The following PTPN13 variants were observed in gnomAD, a reference collection of about 807,000 sequenced individuals.
The protein encoded by PTPN13 is protein tyrosine phosphatase non-receptor type 13.
Under a neutral mutation model 284.0 loss-of-function variants are expected in PTPN13, and 191 were observed. That is an observed-to-expected ratio of 0.67 (90% CI 0.60 to 0.76). PTPN13 has a LOEUF of 0.76. Ranked by LOEUF, PTPN13 falls within the 30% of genes least tolerant of loss-of-function variation. PTPN13 has a pLI of 0.00. For synonymous variants in PTPN13, 986 were observed against 1,022.3 expected, an observed-to-expected ratio of 0.96 and a Z score of 0.68; for missense variants, 2,797 against 2,939.9, an observed-to-expected ratio of 0.95 and a Z score of 1.12.
intron 35 of PTPN13, among the ~76,000 whole-genome samples, chr4:86,779,016 A>G (rs534563299): frequency 1.6e-4 from 25 of 151,778 alleles, no homozygotes; most frequent in Admixed American, 1.5e-3. Context: ...TCCGCTAGCC[A>G]AGAACCTATA....
At chr4:86,711,750 T>C (rs1376123553) in intron 7 of PTPN13, among the ~76,000 whole-genome samples, 5 of 152,182 alleles carry the variant, frequency 3.3e-5, no homozygotes, top group South Asian at 4.1e-4. Flanking sequence ...AAATTAGATA[T>C]TGAGAACTAA....
chr4:86,632,744 G>T (rs1167804928), intron 1 of PTPN13, among the ~76,000 whole-genome samples: 5 of 151,234 alleles, frequency 3.3e-5, no homozygotes, highest in East Asian at 3.9e-4. Context: ...GTGGAACTCT[G>T]GGTAGAATTT....
chr4:86,774,359 C>G lies in PTPN13; in HGVS notation c.5350-14C>G. ...AATAGACAACCTAAAAGTATTACTG[C>G]TTTTTTCCCTTAGGAAGTAGAACTC... On this transcript the variant is annotated splice_polypyrimidine_tract_variant and intron_variant, in intron 32 of 47. Coordinates refer to ENST00000411767, the MANE Select transcript of PTPN13 (RefSeq NM_080683.3). The G allele has an allele frequency of 6.3e-7, 1 of 1,596,364 alleles. No homozygotes were observed. Among genetic ancestry groups the G allele is most frequent in the Non-Finnish European group, 8.5e-7 (1 of 1,170,880 alleles).
intron 23 of PTPN13, among the ~76,000 whole-genome samples, 173 bp downstream of exon 23, chr4:86,759,246 T>G (rs1294708966): frequency 6.6e-6 from 1 of 152,186 alleles, no homozygotes; most frequent in Admixed American, 6.5e-5. Context: ...ATAGAGTCAT[T>G]TATCATTGTG....
At chr4:86,629,099 G>A (rs1477110593) in intron 1 of PTPN13, among the ~76,000 whole-genome samples, 11 of 150,948 alleles carry the variant, frequency 7.3e-5, no homozygotes, top group Non-Finnish European at 1.5e-4. Flanking sequence ...TGACAAATGG[G>A]ATCTAATTAA....
At chr4:86,615,014 C>G (rs1386842632) in intron 1 of PTPN13, among the ~76,000 whole-genome samples, 2 of 152,042 alleles carry the variant, frequency 1.3e-5, no homozygotes. Context: ...CTAGTCCTAG[C>G]ATATATTATA....
At chr4:86,782,649 G>A (rs1043425551) in intron 37 of PTPN13, among the ~76,000 whole-genome samples, 1 of 152,042 alleles carries the variant, frequency 6.6e-6, no homozygotes, top group Non-Finnish European at 1.5e-5. Context: ...TAACCTTCAA[G>A]TTCAAATCTG....
Position 86,662,961 on chromosome 4 carries a change from G to A in PTPN13, c.116-9404G>A, listed in dbSNP as rs964432970. On this transcript the variant is annotated intron_variant, in intron 2 of 47. Coordinates refer to ENST00000411767, the MANE Select transcript of PTPN13 (RefSeq NM_080683.3). The stretch of plus-strand genomic sequence containing the variant: ...GCCCAGAAGTTTGAGGATGCAGCCA[G>A]CTATGATTGCACCACTGCTCTCCAG... 2.0e-5 allele frequency among the ~76,000 whole-genome samples: 3 copies of A among 152,190 alleles called. No homozygotes were observed. The East Asian group carries it at 5.8e-4, about 29-fold the overall frequency.
At chr4:86,660,884 C>A (rs1338133599) in intron 2 of PTPN13, among the ~76,000 whole-genome samples, 1 of 152,104 alleles carries the variant, frequency 6.6e-6, no homozygotes, top group African/African-American at 2.4e-5. Flanking sequence ...AATAGCCATG[C>A]AGTTAGATAG....
chr4:86,657,655 A>C (rs931957688), intron 2 of PTPN13, among the ~76,000 whole-genome samples: 1 of 152,154 alleles, frequency 6.6e-6, no homozygotes, highest in Non-Finnish European at 1.5e-5. Flanking sequence ...GCTGCTGCTG[A>C]TGTTTATTCA....
At chr4:86,714,620 C>T (rs1314005762) in intron 7 of PTPN13, among the ~76,000 whole-genome samples, 1 of 152,078 alleles carries the variant, frequency 6.6e-6, no homozygotes, top group Non-Finnish European at 1.5e-5. Flanking sequence ...CTCATTCTCT[C>T]AAATTCTTAC....
intron 1 of PTPN13, among the ~76,000 whole-genome samples, chr4:86,614,728 A>G (rs1720345810): frequency 6.6e-6 from 1 of 152,166 alleles, no homozygotes; most frequent in Admixed American, 6.5e-5. Context: ...TCTCAGTACT[A>G]AAGGAATGCT....
chr4:86,675,201 GA>G (rs1728141287), intron 3 of PTPN13, among the ~76,000 whole-genome samples: 1 of 152,186 alleles, frequency 6.6e-6, no homozygotes, highest in African/African-American at 2.4e-5. Context: ...TGTTGGGGAT[GA>G]AATGGGTGTG....
At chr4:86,766,602 T>A in intron 27 of PTPN13, 85 bp downstream of exon 27, 1 of 951,544 alleles carries the variant, frequency 1.1e-6, no homozygotes, top group Non-Finnish European at 1.5e-6. Flanking sequence ...TTGAGATCTC[T>A]AAATTTGTCA....
At chr4:86,765,352 A>G (rs1249913585) in intron 25 of PTPN13, 43 bp from the exon 26 acceptor site, 12 of 1,510,876 alleles carry the variant, frequency 7.9e-6, no homozygotes, top group South Asian at 1.2e-5. Flanking sequence ...AGAGTGCAAA[A>G]TTTTTCATGT....
At chr4:86,762,586 G>C in intron 23 of PTPN13, 141 bp from the exon 24 acceptor site, 1 of 657,922 alleles carries the variant, frequency 1.5e-6, no homozygotes, top group Non-Finnish European at 2.5e-6. Context: ...AGCAAAGAAA[G>C]TCTACCAAAC....
At chr4:86,600,414 T>G (rs894786665) in intron 1 of PTPN13, among the ~76,000 whole-genome samples, 1 of 150,726 alleles carries the variant, frequency 6.6e-6, no homozygotes, top group Non-Finnish European at 1.5e-5. Context: ...GATGGTATTT[T>G]TTTTTTTTAC....
chr4:86,779,015 C>A (rs1740977882), intron 35 of PTPN13, among the ~76,000 whole-genome samples: 1 of 148,712 alleles, frequency 6.7e-6, no homozygotes. Context: ...TTCCGCTAGC[C>A]AAGAACCTAT....
chr4:86,813,960 T>G (rs1027124981), intron 47 of PTPN13, among the ~76,000 whole-genome samples: 3 of 151,704 alleles, frequency 2.0e-5, no homozygotes, highest in Non-Finnish European at 4.4e-5. Context: ...CTGGTTTCTA[T>G]TATAATTTTT....
Sources: gnomAD v4.1 joint callset for allele counts (sites outside exome capture counted in the v4.1 genomes callset) on GRCh38, gnomAD v4.1.1 for gene constraint, MANE v1.5 for transcripts, NCBI Gene and HGNC (gene_info 2026-07-23, HGNC 2026-07-21) for gene names.